Variants in TRO observed in about 807,000 individuals in gnomAD.
TRO encodes trophinin.
TRO carries 29 observed loss-of-function variants against 42.3 expected under a neutral mutation model. That is an observed-to-expected ratio of 0.68 (90% CI 0.51 to 0.93). The LOEUF is 0.93. TRO is among the 40% of genes least tolerant of loss of function. The pLI, the probability that TRO is intolerant of heterozygous loss-of-function variation, is 0.00. For missense variants in TRO, 963 were observed against 1,127.7 expected, an observed-to-expected ratio of 0.85 and a Z score of 2.09; for synonymous variants, 384 against 425.2, an observed-to-expected ratio of 0.90 and a Z score of 1.19.
chrX:54,927,718 C>T lies in TRO; in HGVS notation c.1815C>T (p.Phe605=). The T allele has an allele frequency of 8.3e-7, 1 of 1,211,514 alleles. No homozygotes were observed. Among genetic ancestry groups the T allele is most frequent in the Non-Finnish European group, 1.1e-6 (1 of 895,409 alleles). ...ACAGCAGACCACCTGAATATGAGTT[C>T]TTCTGGGGCTTGCGCTCCTACCACG... is the stretch of plus-strand genomic sequence containing the variant. ...VPNSRPPEYE[F]FWGLRSYHET... is the part of the protein sequence containing the mutation. Residue 605 remains phenylalanine, a synonymous_variant, in exon 11 of 13, where the codon TTC becomes TTT. Coordinates refer to ENST00000173898, the MANE Select transcript of TRO (RefSeq NM_001039705.3).
chrX:54,928,427 G>A (rs1396185483), intron 11 of TRO, among the ~76,000 whole-genome samples, 176 bp from the exon 12 acceptor site: 1 of 112,150 alleles, frequency 8.9e-6, no homozygotes, highest in Non-Finnish European at 1.9e-5. Flanking sequence ...ACTTGTCCAA[G>A]GTCATATAGC....
chrX:54,925,617 T>C lies in TRO; in HGVS notation c.1511T>C (p.Ile504Thr). ...EKMFRVNLKE[I>T]DKQSSLYILI... The stretch of plus-strand genomic sequence containing the variant: ...ATGTTTCGAGTCAATCTGAAAGAAA[T>C]TGATAAGCAAAGTAGCTTGTATATT... The change falls in exon 7 of 13, where the codon ATT (isoleucine) becomes ACT (threonine). Residue 504 changes from isoleucine to threonine, a missense_variant. Coordinates refer to ENST00000173898, the MANE Select transcript of TRO (RefSeq NM_001039705.3). The C allele has an allele frequency of 8.3e-7, 1 of 1,210,802 alleles. No homozygotes were observed. Among genetic ancestry groups the C allele is most frequent in the Non-Finnish European group, 1.1e-6 (1 of 894,923 alleles).
chrX:54,921,749 T>G (rs2146533039), intron 1 of TRO, among the ~76,000 whole-genome samples: 2 of 53,303 alleles, frequency 3.8e-5, no homozygotes, highest in East Asian at 6.6e-4. Context: ...AGGGGGCTAG[T>G]GTTGGGGGAA....
In TRO at chrX:54,928,644, C is replaced by T. The variant is rs756724040; in HGVS notation, c.1920C>T (p.Arg640=). 44 of 1,188,005 alleles carry T rather than the reference C, an allele frequency of 3.7e-5. No individual in the cohort carries two copies. The highest frequency in any genetic ancestry group is 4.7e-5 in the Admixed American group (2 of 42,991). The stretch of plus-strand genomic sequence containing the variant: ...CCAAGGACTGGGCTGTGCAGTACCG[C>T]GAGGCAGTGGAGATGGAAGTCCAAG... ...KDPKDWAVQY[R]EAVEMEVQAA... The change falls in exon 12 of 13, where the codon CGC becomes CGT. Residue 640 remains arginine (R), a synonymous_variant. Coordinates refer to ENST00000173898, the MANE Select transcript of TRO (RefSeq NM_001039705.3).
At position 54,924,654 on chromosome X, in the gene TRO, A is replaced by G; in HGVS notation, c.1342-16A>G. The stretch of plus-strand genomic sequence containing the variant: ...CAAGCATGTTAAGATCTCTCCATCT[A>G]TTCCTCTCCTCCCAGGCTAATAAGT... On this transcript the variant is annotated splice_polypyrimidine_tract_variant and intron_variant, in intron 4 of 12. Coordinates refer to ENST00000173898, the MANE Select transcript of TRO (RefSeq NM_001039705.3). 1 of 1,210,132 alleles carries G rather than the reference A, an allele frequency of 8.3e-7. No individual in the cohort carries two copies. Among genetic ancestry groups the G allele is most frequent in the South Asian group, 1.8e-5 (1 of 56,886 alleles).
chrX:54,923,874 G>A (rs1314283435), intron 3 of TRO, 106 bp downstream of exon 3: 17 of 835,608 alleles, frequency 2.0e-5, no homozygotes, highest in Non-Finnish European at 2.8e-5. Context: ...GCTAGTCCCT[G>A]TGTTCAGATA....
At position 54,925,629 on chromosome X, in the gene TRO, G is replaced by A. The variant is rs768221161; in HGVS notation, c.1523G>A (p.Ser508Asn). 3 of 1,211,177 alleles carry A rather than the reference G, an allele frequency of 2.5e-6. No individual in the cohort carries two copies. Among genetic ancestry groups the A allele is most frequent in the Non-Finnish European group, 3.4e-6 (3 of 895,110 alleles). Residue 508 changes from serine to asparagine, a missense_variant, in exon 7 of 13, where the codon AGT (serine) becomes AAT (asparagine). Ser to Asn is a conservative substitution (Grantham distance 46). Transcript: ENST00000173898. ...AATCTGAAAGAAATTGATAAGCAAA[G>A]TAGCTTGTATATTCTCATCAGCACT... ...RVNLKEIDKQ[S>N]SLYILISTQE...
At chrX:54,924,844 G>A in intron 5 of TRO, 111 bp downstream of exon 5, 2 of 967,894 alleles carry the variant, frequency 2.1e-6, no homozygotes, top group East Asian at 6.2e-5. Context: ...CTCCACACCT[G>A]CCCTCCTTGC....
rs1209540438 is a variant in TRO at position 54,930,802 on chromosome X, G to A, written c.4078G>A (p.Gly1360Arg). Residue 1360 changes from glycine (G) to arginine (R), a missense_variant, in exon 12 of 13, where the codon GGA (glycine) becomes AGA (arginine). Gly to Arg is a moderately radical substitution (Grantham distance 125). Coordinates refer to ENST00000173898, the MANE Select transcript of TRO (RefSeq NM_001039705.3). ...CAGCACCAGCACGGGCTTCAGTAGTGGACCCAGTTCTATTGTTGGCTTCAG... is the reference window on the plus strand; with the variant it reads ...CAGCACCAGCACGGGCTTCAGTAGTAGACCCAGTTCTATTGTTGGCTTCAG... ...EPSTSTGFSS[G>R]PSSIVGFSGG... is the part of the protein sequence containing the mutation. The A allele has an allele frequency of 8.3e-7, 1 of 1,212,067 alleles. No homozygotes were observed. Among genetic ancestry groups the A allele is most frequent in the Non-Finnish European group, 1.1e-6 (1 of 895,470 alleles).
chrX:54,922,138 T>C, intron 1 of TRO, 65 bp from the exon 2 acceptor site: 2 of 884,656 alleles, frequency 2.3e-6, no homozygotes, highest in Non-Finnish European at 3.2e-6. Flanking sequence ...TACATGAGAC[T>C]CCCCTAAGTC....
chrX:54,922,135 G>A, intron 1 of TRO, 68 bp from the exon 2 acceptor site: 6 of 869,888 alleles, frequency 6.9e-6, no homozygotes, highest in Non-Finnish European at 9.7e-6. Flanking sequence ...GGTTACATGA[G>A]ACTCCCCTAA....
chrX:54,922,146 G>T (rs1175114167), intron 1 of TRO, 57 bp from the exon 2 acceptor site: 2 of 955,886 alleles, frequency 2.1e-6, no homozygotes, highest in Non-Finnish European at 1.4e-6. Flanking sequence ...ACTCCCCTAA[G>T]TCAGGATAGG....
In TRO at chrX:54,927,704, C is replaced by G. The variant is rs1309131575; in HGVS notation, c.1801C>G (p.Pro601Ala). ...EYKRVPNSRP[P>A]EYEFFWGLRS... is the part of the protein sequence containing the mutation. ...CAAGAGGGTCCCTAACAGCAGACCA[C>G]CTGAATATGAGTTCTTCTGGGGCTT... Residue 601 changes from proline to alanine, a missense_variant, in exon 11 of 13, where the codon CCT becomes GCT. Coordinates refer to ENST00000173898, the MANE Select transcript of TRO (RefSeq NM_001039705.3). 2.5e-6 allele frequency: 3 copies of G among 1,211,517 alleles called. No homozygotes were observed. The Admixed American group carries it at 6.5e-5, about 26-fold the overall frequency.
intron 10 of TRO, 169 bp downstream of exon 10, chrX:54,927,274 T>C (rs1035799688): frequency 3.5e-6 from 2 of 566,039 alleles, no homozygotes; most frequent in South Asian, 2.9e-5. Context: ...TTTCCAGGAC[T>C]GGGCCAGACT....
At position 54,922,792 on chromosome X, in the gene TRO, C is replaced by T; in HGVS notation, c.260C>T (p.Pro87Leu). Residue 87 changes from proline to leucine, a missense_variant, in exon 3 of 13, where the codon CCT (proline) becomes CTT (leucine). Pro to Leu is a moderately conservative substitution (Grantham distance 98). Around this residue, in one of 2 missense-constraint regions of TRO, gnomAD observed 322 missense variants for 316.5 expected, o/e 1.02. Transcript: ENST00000173898. The stretch of plus-strand genomic sequence containing the variant: ...ATTACTAAGGCTGCACCTGCTGCCC[C>T]TCCAGTCCCAGCTGCCAATGAGATT... ...KTITKAAPAAPPVPAANEIAT... is the reference protein window; with the variant it reads ...KTITKAAPAALPVPAANEIAT... 1 of 1,207,154 alleles carries T rather than the reference C, an allele frequency of 8.3e-7. No homozygotes were observed. The highest frequency in any genetic ancestry group is 2.3e-4 in the Middle Eastern group (1 of 4,349).
Position 54,923,376 on chromosome X carries a change from G to C in TRO, c.844G>C (p.Asp282His), listed in dbSNP as rs991799333. ...TEHIEALNVT[D>H]AATRQIEASV... Reference sequence around the variant, plus strand: ...GCATATAGAGGCTCTAAATGTCACTGACGCAGCTACCAGGCAGATTGAGGC... The same window carrying C: ...GCATATAGAGGCTCTAAATGTCACTCACGCAGCTACCAGGCAGATTGAGGC... Residue 282 changes from aspartate to histidine, a missense_variant, in exon 3 of 13, where the codon GAC becomes CAC. Asp to His is a moderately conservative substitution (Grantham distance 81, BLOSUM62 -1). This residue lies in a region of TRO where 322 missense variants were observed against 316.5 expected (regional missense o/e 1.02). Transcript: ENST00000173898. 6.6e-5 allele frequency: 79 copies of C among 1,204,370 alleles called. No individual in the cohort carries two copies. The highest frequency in any genetic ancestry group is 8.6e-5 in the Non-Finnish European group (77 of 892,125).
intron 1 of TRO, chrX:54,921,849 G>C (rs1932096251): frequency 7.2e-6 from 1 of 139,621 alleles, no homozygotes; most frequent in Non-Finnish European, 1.4e-5. Context: ...GGCAGATGTG[G>C]GATTGAGCTG....
Position 54,922,186 on chromosome X carries a change from C to CT in TRO, c.-44-16dup. The CT allele has an allele frequency of 8.7e-7, 1 of 1,147,451 alleles. No homozygotes were observed. Among genetic ancestry groups the CT allele is most frequent in the Admixed American group, 2.3e-5 (1 of 43,061 alleles). 94.6% of individuals were successfully genotyped at this position (1,147,451 alleles called of 1,213,427 possible). ...ATGTCTGATGAATCTCCCCCTCCCT[C>CT]TCATTCTCTAACTCAGGCCCATTCC... On this transcript the variant is annotated splice_polypyrimidine_tract_variant and intron_variant, in intron 1 of 12. Transcript: ENST00000173898.
Position 54,928,985 on chromosome X carries a change from G to A in TRO, c.2261G>A (p.Gly754Glu), listed in dbSNP as rs761491528. The A allele has an allele frequency of 9.1e-6, 11 of 1,210,767 alleles. No individual in the cohort carries two copies. The highest frequency in any genetic ancestry group is 1.2e-5 in the Non-Finnish European group (11 of 895,393). The stretch of plus-strand genomic sequence containing the variant: ...AGCTCCAGTGGTGGCTTCAGTGGTG[G>A]ACCTGGCATTACCTTTGGTGTTGCA... ...APSSSGGFSGGPGITFGVAPS... is the reference protein window; with the variant it reads ...APSSSGGFSGEPGITFGVAPS... The change falls in exon 12 of 13, where the codon GGA becomes GAA. Residue 754 changes from glycine (G) to glutamate (E), a missense_variant. Around this residue, in one of 2 missense-constraint regions of TRO, gnomAD observed 641 missense variants for 811.3 expected, o/e 0.79. Coordinates refer to ENST00000173898, the MANE Select transcript of TRO (RefSeq NM_001039705.3).
Sources: gnomAD v4.1 joint callset for allele counts (sites outside exome capture counted in the v4.1 genomes callset) on GRCh38, gnomAD v4.1.1 for gene constraint, gnomAD v4.1.1 regional missense constraint, MANE v1.5 for transcripts, NCBI Gene and HGNC (gene_info 2026-07-23, HGNC 2026-07-21) for gene names.